DNASE1L3: variants seen among roughly 807,000 people sequenced by gnomAD.
DNASE1L3 encodes the protein deoxyribonuclease 1L3.
A neutral mutation model predicts 30.9 loss-of-function variants in DNASE1L3; 27 were observed. The observed-to-expected ratio is 0.87, with a 90% CI of 0.64 to 1.20. The LOEUF (loss-of-function observed/expected upper bound fraction) is 1.20. DNASE1L3 is among the 50% of genes most tolerant of loss of function. The pLI is 0.00. For synonymous variants in DNASE1L3, 135 were observed against 138.0 expected, an observed-to-expected ratio of 0.98 and a Z score of 0.15; for missense variants, 364 against 378.2, an observed-to-expected ratio of 0.96 and a Z score of 0.31.
chr3:58,193,755 C>T (rs1031107743), intron 6 of DNASE1L3, among the ~76,000 whole-genome samples: 2 of 152,198 alleles, frequency 1.3e-5, no homozygotes, highest in South Asian at 2.1e-4. Flanking sequence ...GTACTGAGAA[C>T]GCTGTTCCTT....
At chr3:58,202,121 G>T in intron 4 of DNASE1L3, among the ~76,000 whole-genome samples, 1 of 147,622 alleles carries the variant, frequency 6.8e-6, no homozygotes, top group African/African-American at 2.5e-5. Flanking sequence ...ATTTATGGTT[G>T]TATTTTCTTC....
chr3:58,197,990 G>A lies in DNASE1L3; in HGVS notation c.547-12C>T, dbSNP rs1430313340. 1 of 1,599,214 alleles carries A rather than the reference G, an allele frequency of 6.3e-7. No homozygotes were observed. Among genetic ancestry groups the A allele is most frequent in the African/African-American group, 1.3e-5 (1 of 74,754 alleles). Reference sequence around the variant, plus strand: ...ATGAAAATGAAATTCTAAAAGACAAGATTTGGAACTGTCACCTGGTGGGTG... The same window carrying A: ...ATGAAAATGAAATTCTAAAAGACAAAATTTGGAACTGTCACCTGGTGGGTG... On this transcript the variant is annotated splice_polypyrimidine_tract_variant and intron_variant, in intron 5 of 7. Transcript: ENST00000394549. The surrounding 1 kb of genome is among the most constrained non-coding windows in gnomAD (Gnocchi z 5.3).
chr3:58,207,452 C>T (rs1310004836), intron 2 of DNASE1L3, among the ~76,000 whole-genome samples: 2 of 37,972 alleles, frequency 5.3e-5, no homozygotes, highest in Non-Finnish European at 9.7e-5. Flanking sequence ...CCCCCCCCCC[C>T]CCCACCAGAA....
chr3:58,205,780 G>T (rs905793448), intron 2 of DNASE1L3, among the ~76,000 whole-genome samples: 1 of 152,244 alleles, frequency 6.6e-6, no homozygotes, highest in Non-Finnish European at 1.5e-5. Context: ...CTTATGAGGA[G>T]AGTGTTATCA....
intron 6 of DNASE1L3, among the ~76,000 whole-genome samples, chr3:58,196,462 A>G (rs2097397442): frequency 1.4e-5 from 2 of 147,384 alleles, no homozygotes; most frequent in Admixed American, 1.4e-4. Flanking sequence ...CTGAGGCAGG[A>G]GAATGGCGTG....
rs775684232 is a variant in DNASE1L3, at chr3:58,192,739, T to TTG, written c.864_865dup (p.Asn289ThrfsTer9). On this transcript the variant is annotated frameshift_variant, in exon 8 of 8. Transcript: ENST00000394549. LOFTEE classifies it low-confidence loss of function (END_TRUNC). The surrounding 1 kb of genome is among the most constrained non-coding windows in gnomAD (Gnocchi z 4.8). ...CCTTAGAGTGACAGATTTTTTGCTGTTGGTGAAGGCCCTTGAAGACTGTAG... is the reference window on the plus strand; with the variant it reads ...CCTTAGAGTGACAGATTTTTTGCTGTTGTGGTGAAGGCCCTTGAAGACTGTAG... The TTG allele has an allele frequency of 6.2e-7, 1 of 1,614,130 alleles. No homozygotes were observed. Among genetic ancestry groups the TTG allele is most frequent in the Non-Finnish European group, 8.5e-7 (1 of 1,180,010 alleles).
chr3:58,207,459 A>G (rs2097404866), intron 2 of DNASE1L3, among the ~76,000 whole-genome samples: 1 of 70,828 alleles, frequency 1.4e-5, no homozygotes, highest in East Asian at 1.0e-3. Context: ...CCCCCCCACC[A>G]GAAGTAACCA....
rs150476720 is a variant in DNASE1L3, at chr3:58,196,683, G to GA, written c.704+1137dup. Among the ~76,000 whole-genome samples, 1,098 of 152,070 alleles carry GA rather than the reference G, an allele frequency of 7.2e-3. 16 individuals are homozygous for GA. Among genetic ancestry groups the GA allele is most frequent in the African/African-American group, 0.024 (1,008 of 41,492 alleles). ...TCTGGGAACTGTGGCCACCACCTGG[G>GA]ACCAGGCTCCTAGGGGTTTCCCCAC... On this transcript the variant is annotated intron_variant, in intron 6 of 7. Transcript: ENST00000394549.
chr3:58,207,311 G>A (rs2097404650), intron 2 of DNASE1L3, among the ~76,000 whole-genome samples: 1 of 152,130 alleles, frequency 6.6e-6, no homozygotes, highest in Admixed American at 6.5e-5. Context: ...GGCAAAGGTT[G>A]CAGTGAGCCG....
Position 58,204,758 on chromosome 3 carries a change from G to C in DNASE1L3, c.433+11C>G. 1 of 1,611,486 alleles carries C rather than the reference G, an allele frequency of 6.2e-7. No individual in the cohort carries two copies. Among genetic ancestry groups the C allele is most frequent in the Non-Finnish European group, 8.5e-7 (1 of 1,177,704 alleles). ...GGAGGTCCCAGACAGAAAGGCCTGT[G>C]TGGGTCTTACCAGTGTGGGGAGATT... On this transcript the variant is annotated intron_variant, in intron 4 of 7. Coordinates refer to ENST00000394549, the MANE Select transcript of DNASE1L3 (RefSeq NM_004944.4).
chr3:58,197,930 T>C lies in DNASE1L3; in HGVS notation c.595A>G (p.Lys199Glu), dbSNP rs1194646028. 3 of 1,613,818 alleles carry C rather than the reference T, an allele frequency of 1.9e-6. No homozygotes were observed. In the East Asian group the frequency reaches 6.7e-5, roughly 36 times the overall value. ...DFNAGCSYVP[K>E]KAWKNIRLRT... Reference sequence around the variant, plus strand: ...AAGCGGATGTTCTTCCAGGCCTTCTTGGGGACGTAGCTGCAGCCGGCATTG... The same window carrying C: ...AAGCGGATGTTCTTCCAGGCCTTCTCGGGGACGTAGCTGCAGCCGGCATTG... Residue 199 changes from lysine (K) to glutamate (E), a missense_variant, in exon 6 of 8, where the codon AAG (lysine) becomes GAG (glutamate). Physicochemically the swap from Lys to Glu is moderately conservative, Grantham distance 56 (BLOSUM62 1). Transcript: ENST00000394549. The surrounding 1 kb of genome is among the most constrained non-coding windows in gnomAD (Gnocchi z 5.3).
Position 58,208,279 on chromosome 3 carries a change from C to A in DNASE1L3, c.169G>T (p.Val57Leu). Residue 57 changes from valine (V) to leucine (L), a missense_variant, in exon 2 of 8, where the codon GTG becomes TTG. Transcript: ENST00000394549. ...TTGTTGCTGTCCTTGATTTCCATCACGAGTATGATGTCACAGCGTTTGATG... is the reference window on the plus strand; with the variant it reads ...TTGTTGCTGTCCTTGATTTCCATCAAGAGTATGATGTCACAGCGTTTGATG... ...KVIKRCDIIL[V>L]MEIKDSNNRI... The A allele has an allele frequency of 6.2e-7, 1 of 1,614,188 alleles. No homozygotes were observed. The highest frequency in any genetic ancestry group is 8.5e-7 in the Non-Finnish European group (1 of 1,180,030).
intron 5 of DNASE1L3, among the ~76,000 whole-genome samples, chr3:58,198,181 T>C (rs1011564424): frequency 6.6e-6 from 1 of 152,118 alleles, no homozygotes; most frequent in African/African-American, 2.4e-5. Flanking sequence ...TGCGACTGTA[T>C]TTGGAGATAG....
In DNASE1L3 at chr3:58,210,392, T is replaced by C. The variant is rs913993357; in HGVS notation, c.141+374A>G. 3.3e-5 allele frequency among the ~76,000 whole-genome samples: 5 copies of C among 152,204 alleles called. No homozygotes were observed. The East Asian group carries it at 9.6e-4, about 29-fold the overall frequency. Reference sequence around the variant, plus strand: ...TTCATCACCTCTACATGGGGAGTAATAGTCCCTCTTCATAAAGATTATGAA... The same window carrying C: ...TTCATCACCTCTACATGGGGAGTAACAGTCCCTCTTCATAAAGATTATGAA... On this transcript the variant is annotated intron_variant, in intron 1 of 7. Transcript: ENST00000394549.
intron 6 of DNASE1L3, among the ~76,000 whole-genome samples, chr3:58,194,314 C>CTT (rs11358965): frequency 0.072 from 6,403 of 89,028 alleles, 707 homozygotes; most frequent in African/African-American, 0.14. Flanking sequence ...GCACAACTAA[C>CTT]TTTTTTTTTT....
intron 6 of DNASE1L3, among the ~76,000 whole-genome samples, chr3:58,196,550 C>T (rs1163618010): frequency 1.4e-5 from 1 of 69,748 alleles, no homozygotes; most frequent in African/African-American, 5.8e-5. Flanking sequence ...GAGACTCTGT[C>T]TAAAAAAAAA....
chr3:58,200,986 G>A lies in DNASE1L3; in HGVS notation c.546+11C>T, dbSNP rs1209446029. 3 of 1,607,200 alleles carry A rather than the reference G, an allele frequency of 1.9e-6. No homozygotes were observed. In the East Asian group the frequency reaches 6.7e-5, roughly 36 times the overall value. The stretch of plus-strand genomic sequence containing the variant: ...GCTAGATGGGAATTCGTCTGACACA[G>A]CAGTCCTCACCTCCGCCTTCCAGCG... On this transcript the variant is annotated intron_variant, in intron 5 of 7. Transcript: ENST00000394549. This position sits in a 1 kb window ranked among gnomAD's most constrained non-coding sequence, Gnocchi z 4.2.
intron 6 of DNASE1L3, among the ~76,000 whole-genome samples, chr3:58,196,447 G>A (rs2107369057): frequency 6.6e-6 from 1 of 151,686 alleles, no homozygotes; most frequent in East Asian, 1.9e-4. Context: ...CAGCTACTCG[G>A]GAGGCTGAGG....
intron 4 of DNASE1L3, 58 bp downstream of exon 4, chr3:58,204,711 C>T: frequency 1.4e-6 from 2 of 1,461,748 alleles, no homozygotes; most frequent in Admixed American, 1.7e-5. Context: ...CTCAAGGCTG[C>T]TGCGCATTCA....
Sources: gnomAD v4.1 joint callset for allele counts (sites outside exome capture counted in the v4.1 genomes callset) on GRCh38, gnomAD v4.1.1 for gene constraint, Gnocchi (gnomAD v3.1) non-coding constraint, MANE v1.5 for transcripts, NCBI Gene and HGNC (gene_info 2026-07-23, HGNC 2026-07-21) for gene names.